GDI2: variants seen among roughly 807,000 people sequenced by gnomAD.
GDI2 encodes the protein rab GDP dissociation inhibitor beta.
GDI2 carries 22 observed loss-of-function variants against 54.2 expected under a neutral mutation model. That is an observed-to-expected ratio of 0.41 (90% confidence interval 0.29 to 0.58). The LOEUF (loss-of-function observed/expected upper bound fraction) is 0.58, where lower values mean the gene tolerates loss of function less well. Ranked by LOEUF, GDI2 falls within the 20% of genes least tolerant of loss-of-function variation. The pLI is 0.35. For synonymous variants in GDI2, 177 were observed against 182.1 expected, an observed-to-expected ratio of 0.97 and a Z score of 0.23; for missense variants, 422 against 546.0, an observed-to-expected ratio of 0.77 and a Z score of 2.26.
chr10:5,812,639 G>C (rs887347437), intron 1 of GDI2, among the ~76,000 whole-genome samples: 7 of 152,224 alleles, frequency 4.6e-5, no homozygotes. Context: ...TAGCAGGGGG[G>C]AGAAAGGATT....
intron 1 of GDI2, chr10:5,811,728 C>G: frequency 3.6e-6 from 1 of 277,264 alleles, no homozygotes; most frequent in Non-Finnish European, 7.4e-6. Context: ...CAACAGTCTT[C>G]CAGCTTTTCA....
chr10:5,770,688 G>A (rs1363257198), intron 7 of GDI2, among the ~76,000 whole-genome samples: 2 of 152,010 alleles, frequency 1.3e-5, no homozygotes, highest in Admixed American at 6.6e-5. Context: ...AATTCTGGCC[G>A]GGCGCAGTGG....
intron 1 of GDI2, among the ~76,000 whole-genome samples, chr10:5,802,123 G>A (rs1354299529): frequency 6.6e-6 from 1 of 152,154 alleles, no homozygotes; most frequent in African/African-American, 2.4e-5. Context: ...GGGAAAACCT[G>A]TGCCACTGAT....
chr10:5,801,118 A>AT (rs758325344), intron 1 of GDI2, among the ~76,000 whole-genome samples: 1 of 151,896 alleles, frequency 6.6e-6, no homozygotes, highest in East Asian at 2.0e-4. Flanking sequence ...CACCCGGCTA[A>AT]TTTTTTGTAT....
intron 4 of GDI2, among the ~76,000 whole-genome samples, chr10:5,791,821 CAGG>C (rs1379329013): frequency 1.3e-5 from 2 of 151,416 alleles, no homozygotes; most frequent in Non-Finnish European, 2.9e-5. Context: ...GAGGCTGAGG[CAGG>C]AGAATTGCTT....
At chr10:5,800,031 T>C (rs1320374163) in intron 2 of GDI2, among the ~76,000 whole-genome samples, 6 of 152,192 alleles carry the variant, frequency 3.9e-5, no homozygotes, top group African/African-American at 7.2e-5. Context: ...ATTAAAGTCA[T>C]TGATGATATC....
At position 5,776,885 on chromosome 10, in the gene GDI2, G is replaced by A. The variant is rs1462422233; in HGVS notation, c.720-2944C>T. The A allele has an allele frequency of 2.1e-6, 2 of 968,254 alleles. No homozygotes were observed. The highest frequency in any genetic ancestry group is 1.7e-5 in the African/African-American group (1 of 60,236). The allele number at this position is 968,254 out of a possible 1,614,324, so 60.0% of individuals were successfully genotyped here. A position where few individuals can be genotyped will look rare whatever the true frequency, so the allele number is the denominator to read the frequency against. The stretch of plus-strand genomic sequence containing the variant: ...TAAAATGGAAGGCCAGAGAAGAGGG[G>A]AGAAGAGGAAATAATGCGAAAACAG... On this transcript the variant is annotated intron_variant, in intron 6 of 10. Coordinates refer to ENST00000380191, the MANE Select transcript of GDI2 (RefSeq NM_001494.4). The surrounding 1 kb of genome is among the most constrained non-coding windows in gnomAD (Gnocchi z 5.3).
chr10:5,810,654 A>T (rs911281922), intron 1 of GDI2, among the ~76,000 whole-genome samples: 5 of 152,244 alleles, frequency 3.3e-5, no homozygotes, highest in African/African-American at 9.6e-5. Flanking sequence ...TTGGTTATCA[A>T]GTAAATTATG....
At chr10:5,809,244 C>CAAAA (rs1554791052) in intron 1 of GDI2, among the ~76,000 whole-genome samples, 1 of 134,168 alleles carries the variant, frequency 7.5e-6, no homozygotes, top group East Asian at 2.2e-4. Context: ...GACTCCATCT[C>CAAAA]AAAAAAAAAC....
chr10:5,781,173 T>TAA lies in GDI2; in HGVS notation c.719+3967_719+3968dup, dbSNP rs56401510. ...GCTAAAACAACTAAATATTCGTATG[T>TAA]AAAAAAAAAAAAGAACCTCAAGTCT... On this transcript the variant is annotated intron_variant, in intron 6 of 10. Coordinates refer to ENST00000380191, the MANE Select transcript of GDI2 (RefSeq NM_001494.4). Among the ~76,000 whole-genome samples, 161 of 134,098 alleles carry TAA rather than the reference T, an allele frequency of 1.2e-3. 2 individuals are homozygous for TAA. In the East Asian group the frequency reaches 0.02, roughly 16 times the overall value. The allele number at this position is 134,098 out of a possible 152,430, so 88.0% of individuals were successfully genotyped here.
intron 1 of GDI2, among the ~76,000 whole-genome samples, chr10:5,803,537 C>A (rs1308046073): frequency 6.6e-6 from 1 of 152,196 alleles, no homozygotes; most frequent in Non-Finnish European, 1.5e-5. Flanking sequence ...TGATAAATAT[C>A]AATAGCTACA....
chr10:5,789,226 C>A (rs1840951863), intron 4 of GDI2, among the ~76,000 whole-genome samples: 1 of 152,048 alleles, frequency 6.6e-6, no homozygotes, highest in South Asian at 2.1e-4. Flanking sequence ...CCTGCATCAG[C>A]CTCCTGAGTA....
At chr10:5,769,508 T>C (rs1411276533) in intron 7 of GDI2, 1 of 150,790 alleles carries the variant, frequency 6.6e-6, no homozygotes, top group Non-Finnish European at 1.5e-5. Context: ...GAGATGGAGG[T>C]TATGGTAAGC....
chr10:5,801,065 C>T (rs1841259677), intron 1 of GDI2, among the ~76,000 whole-genome samples: 1 of 152,094 alleles, frequency 6.6e-6, no homozygotes. Flanking sequence ...AGTTCTCCTG[C>T]CTCAGCCTCT....
chr10:5,795,485 A>G (rs1272489905), intron 3 of GDI2, among the ~76,000 whole-genome samples: 1 of 152,158 alleles, frequency 6.6e-6, no homozygotes, highest in East Asian at 1.9e-4. Flanking sequence ...TGCACTGCAT[A>G]TTACACGTTT....
At position 5,785,221 on chromosome 10, in the gene GDI2, C is replaced by T; in HGVS notation, c.640G>A (p.Glu214Lys). 1 of 1,604,674 alleles carries T rather than the reference C, an allele frequency of 6.2e-7. No homozygotes were observed. Among genetic ancestry groups the T allele is most frequent in the Non-Finnish European group, 8.5e-7 (1 of 1,171,718 alleles). ...CTTTTGCCATATCTTGCCAAAGATT[C>T]ACTGTAAAGTTTAATTCTATTAATG... The part of the protein sequence containing the change: ...ETINRIKLYS[E>K]SLARYGKSPY... Residue 214 changes from glutamate (E) to lysine (K), a missense_variant, in exon 6 of 11, where the codon GAA becomes AAA. By Grantham distance (56) the Glu-to-Lys change is moderately conservative (BLOSUM62 1). Coordinates refer to ENST00000380191, the MANE Select transcript of GDI2 (RefSeq NM_001494.4).
Position 5,776,512 on chromosome 10 carries a change from A to T in GDI2, c.720-2571T>A, listed in dbSNP as rs1840625343. The stretch of plus-strand genomic sequence containing the variant: ...ATTAGAAGCAAAGGCCCGAAAGATA[A>T]AACAATTATAGAGAAGCAGATTTGA... On this transcript the variant is annotated intron_variant, in intron 6 of 10. Coordinates refer to ENST00000380191, the MANE Select transcript of GDI2 (RefSeq NM_001494.4). This position sits in a 1 kb window ranked among gnomAD's most constrained non-coding sequence, Gnocchi z 5.3. 7.1e-7 allele frequency: 1 copy of T among 1,400,846 alleles called. No individual in the cohort carries two copies. Among genetic ancestry groups the T allele is most frequent in the African/African-American group, 1.4e-5 (1 of 70,734 alleles). The allele number at this position is 1,400,846 out of a possible 1,614,324, so 86.8% of individuals were successfully genotyped here. A position where few individuals can be genotyped will look rare whatever the true frequency, so the allele number is the denominator to read the frequency against.
chr10:5,800,848 T>G (rs1219421205), intron 1 of GDI2, 143 bp from the exon 2 acceptor site: 1 of 626,410 alleles, frequency 1.6e-6, no homozygotes, highest in Non-Finnish European at 2.9e-6. Context: ...AAGAAAGCCC[T>G]TAAGAAACCA....
intron 1 of GDI2, among the ~76,000 whole-genome samples, chr10:5,806,703 G>T (rs527555052): frequency 1.3e-5 from 2 of 151,948 alleles, no homozygotes; most frequent in South Asian, 2.1e-4. Flanking sequence ...TTTACTTTTG[G>T]GGGGTGGGGG....
Sources: allele counts gnomAD v4.1 joint callset (sites outside exome capture counted in the v4.1 genomes callset), GRCh38; gene constraint gnomAD v4.1.1; non-coding constraint Gnocchi (gnomAD v3.1); transcripts MANE v1.5; gene names NCBI Gene and HGNC (gene_info 2026-07-23, HGNC 2026-07-21).